Variants in LHCGR observed in about 807,000 individuals in gnomAD.
LHCGR encodes the protein luteinizing hormone/choriogonadotropin receptor.
Under a neutral mutation model 60.7 loss-of-function variants are expected in LHCGR, and 55 were observed. The ratio of observed to expected loss-of-function variants is 0.91; its 90% CI spans 0.73 to 1.13. The LOEUF is 1.13. Ranked by LOEUF, LHCGR falls within the 50% of genes most tolerant of loss-of-function variation. LHCGR has a pLI of 0.00. For missense variants in LHCGR, 862 were observed against 836.0 expected, an observed-to-expected ratio of 1.03 and a Z score of -0.38; for synonymous variants, 337 against 316.5, an observed-to-expected ratio of 1.06 and a Z score of -0.69.
In LHCGR at chr2:48,723,687, A is replaced by G. The variant is rs1307956332; in HGVS notation, c.393T>C (p.Cys131=). The change falls in exon 5 of 11, where the codon TGT becomes TGC. Residue 131 remains cysteine, a synonymous_variant. Transcript: ENST00000294954. The stretch of plus-strand genomic sequence containing the variant: ...CTGGAAACTTTCTGATGCCTGTGTT[A>G]CAGATGCTCCTGTGATTAGGGACAG... ...NLPRLKYLSI[C]NTGIRKFPDV... The G allele has an allele frequency of 1.2e-6, 2 of 1,612,944 alleles. No individual in the cohort carries two copies. Among genetic ancestry groups the G allele is most frequent in the Non-Finnish European group, 1.7e-6 (2 of 1,178,898 alleles).
intron 10 of LHCGR, among the ~76,000 whole-genome samples, chr2:48,690,807 T>G (rs925821914): frequency 6.6e-6 from 1 of 152,252 alleles, no homozygotes; most frequent in Admixed American, 6.5e-5. Context: ...TAAGTGATGA[T>G]GCATGTCTAT....
intron 1 of LHCGR, among the ~76,000 whole-genome samples, chr2:48,743,688 G>A (rs1263947762): frequency 5.7e-4 from 87 of 152,116 alleles, no homozygotes; most frequent in African/African-American, 1.9e-3. Flanking sequence ...TTGATGGGAC[G>A]TATCTCAAAA....
At position 48,687,705 on chromosome 2, in the gene LHCGR, C is replaced by G. The variant is rs747648970; in HGVS notation, c.2092G>C (p.Glu698Gln). The G allele has an allele frequency of 6.8e-6, 11 of 1,613,076 alleles. No homozygotes were observed. The South Asian group carries it at 1.1e-4, about 16-fold the overall frequency. Residue 698 changes from glutamate (E) to glutamine (Q), a missense_variant, in exon 11 of 11, where the codon GAG (glutamate) becomes CAG (glutamine). Transcript: ENST00000294954. The part of the protein sequence containing the change: ...TALLDKTRYT[E>Q]C ...AGTTACTGATGTAACAGTTAACACT[C>G]TGTGTAGCGAGTCTTGTCTAGGAGA... is the stretch of plus-strand genomic sequence containing the variant.
chr2:48,703,437 GTTA>G (rs755381215), intron 8 of LHCGR, among the ~76,000 whole-genome samples: 4 of 152,104 alleles, frequency 2.6e-5, no homozygotes, highest in African/African-American at 7.2e-5. Flanking sequence ...TCCATCTTGA[GTTA>G]ATTTTTGTAT....
intron 1 of LHCGR, among the ~76,000 whole-genome samples, chr2:48,740,891 C>G (rs1394294594): frequency 6.6e-6 from 1 of 152,128 alleles, no homozygotes; most frequent in East Asian, 1.9e-4. Context: ...TCAAATTACT[C>G]CGAGCTACGG....
intron 6 of LHCGR, among the ~76,000 whole-genome samples, chr2:48,718,378 C>G (rs1045458412): frequency 6.6e-6 from 1 of 152,036 alleles, no homozygotes; most frequent in African/African-American, 2.4e-5. Flanking sequence ...ATAATGAACC[C>G]CAAATATTCC....
At chr2:48,704,619 A>C (rs1667573768) in intron 8 of LHCGR, among the ~76,000 whole-genome samples, 1 of 152,050 alleles carries the variant, frequency 6.6e-6, no homozygotes, top group Non-Finnish European at 1.5e-5. Context: ...TAGTCTTGGG[A>C]GGGTGTATGT....
At chr2:48,714,523 T>C (rs1572852436) in intron 6 of LHCGR, among the ~76,000 whole-genome samples, 1 of 151,612 alleles carries the variant, frequency 6.6e-6, no homozygotes, top group Non-Finnish European at 1.5e-5. Flanking sequence ...GTGGTTTTGC[T>C]GATGTCAGAT....
intron 4 of LHCGR, among the ~76,000 whole-genome samples, chr2:48,724,367 C>T (rs946933293): frequency 2.6e-5 from 4 of 152,188 alleles, no homozygotes; most frequent in African/African-American, 9.7e-5. Flanking sequence ...CCCTCAGAGT[C>T]TAGGCATCTG....
intron 8 of LHCGR, 94 bp downstream of exon 8, chr2:48,708,854 C>T (rs1289934715): frequency 5.3e-6 from 5 of 950,314 alleles, no homozygotes; most frequent in East Asian, 2.4e-5. Flanking sequence ...GCTGATGTCT[C>T]ACATATCAGC....
chr2:48,708,864 C>CA, intron 8 of LHCGR, 84 bp downstream of exon 8: 1 of 1,033,378 alleles, frequency 9.7e-7, no homozygotes, highest in Non-Finnish European at 1.5e-6. Flanking sequence ...CACATATCAG[C>CA]TTGGGGATGA....
Position 48,725,761 on chromosome 2 carries a change from A to G in LHCGR, c.309-11T>C. The G allele has an allele frequency of 1.3e-6, 2 of 1,597,772 alleles. No individual in the cohort carries two copies. The highest frequency in any genetic ancestry group is 2.2e-5 in the South Asian group (2 of 90,750). The stretch of plus-strand genomic sequence containing the variant: ...GTGTTCTGGATCAGTCTGTAAAGAG[A>G]GAGGGAAAAAAAAAGCTGCTGTTTA... On this transcript the variant is annotated splice_polypyrimidine_tract_variant and intron_variant, in intron 3 of 10. Transcript: ENST00000294954.
At chr2:48,752,990 G>T (rs1393096759) in intron 1 of LHCGR, among the ~76,000 whole-genome samples, 11 of 101,548 alleles carry the variant, frequency 1.1e-4, no homozygotes, top group African/African-American at 3.6e-4. Context: ...GCGGGGGGGG[G>T]GGGGGGTGGG....
rs567138514 is a variant in LHCGR at position 48,724,850 on chromosome 2, C to G, written c.383+826G>C. Reference sequence around the variant, plus strand: ...TCCAGTAGCAGCTCTTATAGAAGGCCCCAGAGCAAGACTGATGACGTGAAG... The same window carrying G: ...TCCAGTAGCAGCTCTTATAGAAGGCGCCAGAGCAAGACTGATGACGTGAAG... On this transcript the variant is annotated intron_variant, in intron 4 of 10. Transcript: ENST00000294954. 9.4e-4 allele frequency among the ~76,000 whole-genome samples: 143 copies of G among 152,182 alleles called. 3 individuals are homozygous for G. Among genetic ancestry groups the G allele is most frequent in the Non-Finnish European group, 2.2e-4 (15 of 68,002 alleles).
intron 1 of LHCGR, among the ~76,000 whole-genome samples, chr2:48,740,512 C>T (rs1478010937): frequency 3.9e-5 from 6 of 152,152 alleles, no homozygotes; most frequent in African/African-American, 1.4e-4. Flanking sequence ...GGCAGACTGC[C>T]TCCTCAAGTG....
intron 3 of LHCGR, among the ~76,000 whole-genome samples, chr2:48,728,511 T>C (rs1668845975): frequency 6.6e-6 from 1 of 152,204 alleles, no homozygotes; most frequent in African/African-American, 2.4e-5. Context: ...TAATTTCAGC[T>C]CTGGCACTAA....
intron 8 of LHCGR, among the ~76,000 whole-genome samples, chr2:48,704,335 T>C (rs989035576): frequency 2.0e-5 from 3 of 152,232 alleles, no homozygotes; most frequent in African/African-American, 7.2e-5. Flanking sequence ...ATCAGGGATA[T>C]TGGCTTAAAA....
Position 48,703,015 on chromosome 2 carries a change from A to G in LHCGR, c.681-4215T>C, listed in dbSNP as rs62135382. 4.1e-3 allele frequency among the ~76,000 whole-genome samples: 620 copies of G among 152,314 alleles called. 2 individuals are homozygous for G. The highest frequency in any genetic ancestry group is 6.8e-3 in the Middle Eastern group (2 of 294). On this transcript the variant is annotated intron_variant, in intron 8 of 10. Transcript: ENST00000294954. Reference sequence around the variant, plus strand: ...TGTGGTTTTGATTTGCATTTCTCTCATGACCAGTGATGATGAGGATTTTTT... The same window carrying G: ...TGTGGTTTTGATTTGCATTTCTCTCGTGACCAGTGATGATGAGGATTTTTT...
intron 3 of LHCGR, among the ~76,000 whole-genome samples, chr2:48,727,623 G>T (rs1668793915): frequency 6.6e-6 from 1 of 152,184 alleles, no homozygotes; most frequent in Non-Finnish European, 1.5e-5. Flanking sequence ...TCCAGGTCTG[G>T]GATAGGACTG....
Sources: gnomAD v4.1 joint callset for allele counts (sites outside exome capture counted in the v4.1 genomes callset) on GRCh38, gnomAD v4.1.1 for gene constraint, MANE v1.5 for transcripts, NCBI Gene and HGNC (gene_info 2026-07-23, HGNC 2026-07-21) for gene names.